ADAMTS17: variants seen among roughly 807,000 people sequenced by gnomAD.
ADAMTS17 encodes the protein ADAM metallopeptidase with thrombospondin type 1 motif 17.
A neutral mutation model predicts 141.5 loss-of-function variants in ADAMTS17; 113 were observed. The observed-to-expected ratio is 0.80, with a 90% CI of 0.69 to 0.93. The LOEUF (loss-of-function observed/expected upper bound fraction) is 0.93. Ranked by LOEUF, ADAMTS17 falls within the 40% of genes least tolerant of loss-of-function variation. The probability of loss-of-function intolerance (pLI) is 0.00; values close to 1 mark genes in which losing one functional copy is unlikely to be tolerated. For synonymous variants in ADAMTS17, 768 were observed against 630.6 expected (o/e 1.22, Z -3.27); for missense variants, 1,659 against 1,517.9 (o/e 1.09, Z -1.54).
At chr15:100,305,991 A>T (rs1345669672) in intron 3 of ADAMTS17, 1 of 155,234 alleles carries the variant, frequency 6.4e-6, no homozygotes, top group South Asian at 2.0e-4. Flanking sequence ...CACAGCTCTG[A>T]CACCAAAGCC....
At chr15:99,977,310 G>T (rs560853684) in intron 20 of ADAMTS17, among the ~76,000 whole-genome samples, 27 of 125,732 alleles carry the variant, frequency 2.1e-4, no homozygotes, top group African/African-American at 8.5e-4. Flanking sequence ...GAGTGGACCC[G>T]GTTAAGACTT....
intron 6 of ADAMTS17, among the ~76,000 whole-genome samples, chr15:100,257,418 C>T (rs533412961): frequency 1.3e-5 from 2 of 152,252 alleles, no homozygotes; most frequent in Admixed American, 6.5e-5. Context: ...ACCCAGAAGA[C>T]GGGACGTGCA....
intron 7 of ADAMTS17, among the ~76,000 whole-genome samples, chr15:100,222,238 A>G (rs548248531): frequency 7.9e-5 from 12 of 152,298 alleles, no homozygotes; most frequent in African/African-American, 2.9e-4. Context: ...GTGCCAGGTA[A>G]GCACCGAGGA....
chr15:100,072,376 T>C lies in ADAMTS17; in HGVS notation c.2138-18322A>G, dbSNP rs1028156081. Among the ~76,000 whole-genome samples the C allele has an allele frequency of 1.0e-4, 15 of 149,326 alleles. 1 individual carries two copies. Among genetic ancestry groups the C allele is most frequent in the African/African-American group, 3.5e-4 (14 of 40,210 alleles). Reference sequence around the variant, plus strand: ...AATGCCATCCCCATCAAGCTACCAATGACTTTCTTCACAGAATTGGAAAAA... The same window carrying C: ...AATGCCATCCCCATCAAGCTACCAACGACTTTCTTCACAGAATTGGAAAAA... On this transcript the variant is annotated intron_variant, in intron 15 of 21. Coordinates refer to ENST00000268070, the MANE Select transcript of ADAMTS17 (RefSeq NM_139057.4).
At chr15:100,138,292 G>A (rs1297719835) in intron 10 of ADAMTS17, among the ~76,000 whole-genome samples, 1 of 152,158 alleles carries the variant, frequency 6.6e-6, no homozygotes, top group East Asian at 1.9e-4. Context: ...ATCAAACATG[G>A]TAATGTGAGT....
chr15:100,185,926 A>C (rs2040699647), intron 8 of ADAMTS17, among the ~76,000 whole-genome samples: 1 of 152,166 alleles, frequency 6.6e-6, no homozygotes, highest in South Asian at 2.1e-4. Context: ...TCATTTCCGA[A>C]GATGAGGCTG....
Position 100,205,872 on chromosome 15 carries a change from C to T in ADAMTS17, c.1076-6449G>A, listed in dbSNP as rs549814536. On this transcript the variant is annotated intron_variant, in intron 7 of 21. Coordinates refer to ENST00000268070, the MANE Select transcript of ADAMTS17 (RefSeq NM_139057.4). ...CAAGCCTCAGGGCCTGAAGGGTGGG[C>T]GCCGCGGTCTCTGAAAGACAGCTGT... Among the ~76,000 whole-genome samples the T allele has an allele frequency of 1.7e-4, 26 of 152,290 alleles. 1 individual carries two copies. Among genetic ancestry groups the T allele is most frequent in the South Asian group, 1.7e-3 (8 of 4,820 alleles).
intron 15 of ADAMTS17, among the ~76,000 whole-genome samples, chr15:100,072,043 G>A (rs1210027924): frequency 6.7e-6 from 1 of 149,574 alleles, no homozygotes; most frequent in African/African-American, 2.5e-5. Flanking sequence ...GAGCTGATAG[G>A]CAACTTCCGC....
intron 13 of ADAMTS17, among the ~76,000 whole-genome samples, chr15:100,111,613 G>T (rs1157576952): frequency 6.6e-6 from 1 of 152,218 alleles, no homozygotes; most frequent in Non-Finnish European, 1.5e-5. Flanking sequence ...GAAAGCAAGG[G>T]TCCCTTGGCT....
At chr15:100,133,446 A>T (rs562145264) in intron 10 of ADAMTS17, 131 bp from the exon 11 acceptor site, 10 of 804,180 alleles carry the variant, frequency 1.2e-5, no homozygotes, top group African/African-American at 1.2e-4. Flanking sequence ...CCAGAGGGTC[A>T]TAAGTCTGTA....
At position 100,251,662 on chromosome 15, in the gene ADAMTS17, C is replaced by T. The variant is rs938441728; in HGVS notation, c.1075+2474G>A. ...ATGGCAGAACCCGGGAGCCAGAACC[C>T]GGGAGGCAGAGGTTGCAGTGAGCCC... On this transcript the variant is annotated intron_variant, in intron 7 of 21. Transcript: ENST00000268070. Among the ~76,000 whole-genome samples, 8 of 152,294 alleles carry T rather than the reference C, an allele frequency of 5.3e-5. No homozygotes were observed. The East Asian group carries it at 9.7e-4, about 18-fold the overall frequency.
At chr15:100,046,631 A>G (rs1322916097) in intron 18 of ADAMTS17, among the ~76,000 whole-genome samples, 3 of 152,220 alleles carry the variant, frequency 2.0e-5, no homozygotes, top group Non-Finnish European at 2.9e-5. Flanking sequence ...ATACTTTTAT[A>G]ATTTCTTATG....
intron 3 of ADAMTS17, among the ~76,000 whole-genome samples, chr15:100,328,832 T>C (rs1334890772): frequency 3.9e-5 from 6 of 152,168 alleles, no homozygotes; most frequent in Non-Finnish European, 8.8e-5. Flanking sequence ...GTTCTGACCA[T>C]GGACTAGAGT....
At chr15:100,337,744 C>G (rs998657569) in intron 2 of ADAMTS17, among the ~76,000 whole-genome samples, 1 of 152,222 alleles carries the variant, frequency 6.6e-6, no homozygotes, top group Non-Finnish European at 1.5e-5. Flanking sequence ...GCCCTCCCCT[C>G]CTCTCGTTCA....
At chr15:100,266,573 C>T (rs2043724084) in intron 4 of ADAMTS17, among the ~76,000 whole-genome samples, 2 of 152,212 alleles carry the variant, frequency 1.3e-5, no homozygotes, top group Admixed American at 1.3e-4. Context: ...ACACCCTGGC[C>T]TCCCCGCCTG....
intron 3 of ADAMTS17, among the ~76,000 whole-genome samples, chr15:100,297,196 C>T (rs541389110): frequency 1.2e-4 from 18 of 152,126 alleles, no homozygotes; most frequent in African/African-American, 3.4e-4. Flanking sequence ...GAAGAAAGCA[C>T]GGTATGTTCT....
intron 8 of ADAMTS17, among the ~76,000 whole-genome samples, chr15:100,175,174 C>T (rs758745389): frequency 1.8e-4 from 27 of 152,184 alleles, no homozygotes; most frequent in Non-Finnish European, 3.7e-4. Flanking sequence ...TGTTCCAGTT[C>T]CTATGCCTTT....
intron 7 of ADAMTS17, among the ~76,000 whole-genome samples, chr15:100,245,977 T>G (rs2042974973): frequency 6.6e-6 from 1 of 152,154 alleles, no homozygotes; most frequent in Non-Finnish European, 1.5e-5. Flanking sequence ...AGTCACTATC[T>G]CTAAGTGGTG....
At chr15:100,079,679 G>T (rs555929965) in intron 15 of ADAMTS17, among the ~76,000 whole-genome samples, 3 of 152,162 alleles carry the variant, frequency 2.0e-5, no homozygotes, top group African/African-American at 7.2e-5. Context: ...TCATGGAAAC[G>T]GCAGTGGTTT....
Sources: allele counts gnomAD v4.1 joint callset (sites outside exome capture counted in the v4.1 genomes callset), GRCh38; gene constraint gnomAD v4.1.1; transcripts MANE v1.5; gene names NCBI Gene and HGNC (gene_info 2026-07-23, HGNC 2026-07-21).